The following PRKCE variants were observed in gnomAD, a reference collection of about 807,000 sequenced individuals.
PRKCE encodes protein kinase C epsilon, also known as protein kinase C epsilon type.
Under a neutral mutation model 85.4 loss-of-function variants are expected in PRKCE, and 16 were observed. That is an observed-to-expected ratio of 0.19 (90% CI 0.13 to 0.28). PRKCE has a LOEUF of 0.28. Ranked by LOEUF, PRKCE falls within the 10% of genes least tolerant of loss-of-function variation. The pLI, the probability that PRKCE is intolerant of heterozygous loss-of-function variation, is 1.00. For missense variants in PRKCE, 573 were observed against 975.2 expected, an observed-to-expected ratio of 0.59 and a Z score of 5.49; for synonymous variants, 388 against 371.5, an observed-to-expected ratio of 1.04 and a Z score of -0.51.
intron 11 of PRKCE, among the ~76,000 whole-genome samples, chr2:46,106,262 CT>C (rs1330429133): frequency 6.6e-6 from 1 of 152,190 alleles, no homozygotes. Flanking sequence ...TAATTCTAAT[CT>C]GTTACCATAT....
chr2:46,154,225 G>A (rs1295443324), intron 13 of PRKCE, among the ~76,000 whole-genome samples: 2 of 152,116 alleles, frequency 1.3e-5, no homozygotes, highest in Non-Finnish European at 1.5e-5. Flanking sequence ...GCGTGGTCTG[G>A]AGGGTGCCTC....
intron 3 of PRKCE, 130 bp from the exon 4 acceptor site, chr2:45,978,846 T>C (rs951780806): frequency 1.2e-5 from 9 of 732,622 alleles, no homozygotes; most frequent in Non-Finnish European, 2.0e-5. Context: ...GAGAGAGAAA[T>C]TACAATATTC....
At chr2:45,901,916 T>TAA (rs1326284155) in intron 2 of PRKCE, among the ~76,000 whole-genome samples, 5 of 152,204 alleles carry the variant, frequency 3.3e-5, no homozygotes. Flanking sequence ...TAAGAGCAGG[T>TAA]CATTTTGCAA....
intron 1 of PRKCE, among the ~76,000 whole-genome samples, chr2:45,771,837 G>T (rs1487928736): frequency 6.6e-6 from 1 of 151,972 alleles, no homozygotes. Flanking sequence ...TTTCCCTGGG[G>T]TCCCAAGTCT....
chr2:45,835,258 A>G (rs1690762751), intron 1 of PRKCE, among the ~76,000 whole-genome samples: 1 of 152,236 alleles, frequency 6.6e-6, no homozygotes, highest in Non-Finnish European at 1.5e-5. Context: ...GTTTTTTTCC[A>G]TTTTTAAAAA....
intron 1 of PRKCE, among the ~76,000 whole-genome samples, chr2:45,741,080 AT>A (rs1370400304): frequency 1.3e-5 from 2 of 152,254 alleles, no homozygotes; most frequent in African/African-American, 4.8e-5. Context: ...CTAAAATTAA[AT>A]GCGGAAATTT....
At chr2:45,953,828 G>A (rs1244248928) in intron 2 of PRKCE, among the ~76,000 whole-genome samples, 4 of 152,226 alleles carry the variant, frequency 2.6e-5, no homozygotes, top group Non-Finnish European at 5.9e-5. Context: ...CCTGCAGGCA[G>A]AGTTGAGAGC....
intron 1 of PRKCE, among the ~76,000 whole-genome samples, chr2:45,662,304 G>A (rs1675706031): frequency 6.6e-6 from 1 of 152,088 alleles, no homozygotes; most frequent in African/African-American, 2.4e-5. Flanking sequence ...CACTCTACTA[G>A]GAGACACGAC....
At chr2:46,015,325 A>G (rs1706031987) in intron 10 of PRKCE, among the ~76,000 whole-genome samples, 1 of 152,132 alleles carries the variant, frequency 6.6e-6, no homozygotes. Context: ...TCTCTCCAAC[A>G]GGATCCCACA....
intron 2 of PRKCE, among the ~76,000 whole-genome samples, chr2:45,843,341 C>A (rs1691515653): frequency 6.6e-6 from 1 of 152,200 alleles, no homozygotes; most frequent in African/African-American, 2.4e-5. Flanking sequence ...GCTTCAGTGG[C>A]AGGGCAGCCT....
intron 2 of PRKCE, among the ~76,000 whole-genome samples, chr2:45,920,137 T>G (rs573264580): frequency 6.6e-6 from 1 of 152,336 alleles, no homozygotes; most frequent in East Asian, 1.9e-4. Context: ...TCTTCAATGT[T>G]TAGGCAGTCT....
intron 11 of PRKCE, among the ~76,000 whole-genome samples, chr2:46,126,432 C>T (rs988259753): frequency 3.3e-5 from 5 of 152,050 alleles, no homozygotes; most frequent in African/African-American, 1.2e-4. Flanking sequence ...GGGCACTGAA[C>T]CCCCACATGG....
intron 10 of PRKCE, among the ~76,000 whole-genome samples, chr2:46,027,947 CTTT>C (rs1222949038): frequency 6.9e-6 from 1 of 145,904 alleles, no homozygotes. Context: ...TCTTTTTTTT[CTTT>C]TTTTTTTTTG....
chr2:46,131,242 G>A (rs779529658), intron 11 of PRKCE, among the ~76,000 whole-genome samples: 2 of 152,196 alleles, frequency 1.3e-5, no homozygotes, highest in Non-Finnish European at 2.9e-5. Flanking sequence ...TGAGGCTGTG[G>A]CCTTCAGGAG....
intron 2 of PRKCE, among the ~76,000 whole-genome samples, chr2:45,934,155 T>C (rs549918467): frequency 6.2e-4 from 94 of 152,322 alleles, no homozygotes; most frequent in Non-Finnish European, 1.1e-3. Context: ...ACAGCCATAG[T>C]GGAGCAGCTT....
chr2:45,835,767 T>C (rs1389698424), intron 1 of PRKCE, among the ~76,000 whole-genome samples: 1 of 152,070 alleles, frequency 6.6e-6, no homozygotes, highest in African/African-American at 2.4e-5. Flanking sequence ...TTTTTTTTTC[T>C]TATTTTTTGT....
intron 2 of PRKCE, among the ~76,000 whole-genome samples, chr2:45,893,671 T>C (rs1360881716): frequency 6.6e-6 from 1 of 152,118 alleles, no homozygotes; most frequent in Non-Finnish European, 1.5e-5. Context: ...CTGGCTCATG[T>C]CTTTCTGCTT....
At chr2:45,989,017 C>T (rs867744535) in intron 6 of PRKCE, among the ~76,000 whole-genome samples, 1 of 152,176 alleles carries the variant, frequency 6.6e-6, no homozygotes, top group Non-Finnish European at 1.5e-5. Context: ...TGCCCCCGTC[C>T]CATCCCCCAC....
intron 2 of PRKCE, among the ~76,000 whole-genome samples, chr2:45,864,449 T>C (rs529018947): frequency 6.6e-6 from 1 of 152,120 alleles, no homozygotes; most frequent in African/African-American, 2.4e-5. Context: ...TCCTAAGTAG[T>C]TATTTTTCAC....
Sources: gnomAD v4.1 joint callset for allele counts (sites outside exome capture counted in the v4.1 genomes callset) on GRCh38, gnomAD v4.1.1 for gene constraint, MANE v1.5 for transcripts, NCBI Gene and HGNC (gene_info 2026-07-23, HGNC 2026-07-21) for gene names.